PPM1E: variants seen among roughly 807,000 people sequenced by gnomAD.
PPM1E encodes the protein protein phosphatase 1E.
Under a neutral mutation model 65.9 loss-of-function variants are expected in PPM1E, and 20 were observed. The observed-to-expected ratio is 0.30, with a 90% CI of 0.21 to 0.44. PPM1E has a LOEUF of 0.44. PPM1E is among the 20% of genes least tolerant of loss of function. The probability of loss-of-function intolerance (pLI) is 1.00; values close to 1 mark genes in which losing one functional copy is unlikely to be tolerated. For missense variants in PPM1E, 713 were observed against 953.1 expected (o/e 0.75, Z 3.32); for synonymous variants, 352 against 374.9 (o/e 0.94, Z 0.70).
chr17:58,863,917 T>C (rs1293163549), intron 1 of PPM1E, among the ~76,000 whole-genome samples: 1 of 152,024 alleles, frequency 6.6e-6, no homozygotes, highest in East Asian at 1.9e-4. Flanking sequence ...GGTCTGGGGT[T>C]CTTATGGGCA....
intron 1 of PPM1E, among the ~76,000 whole-genome samples, chr17:58,761,792 GTTTAA>G (rs1047389850): frequency 6.6e-6 from 1 of 152,082 alleles, no homozygotes; most frequent in African/African-American, 2.4e-5. Flanking sequence ...TAAGTACTTG[GTTTAA>G]TTTATTATTT....
intron 1 of PPM1E, among the ~76,000 whole-genome samples, chr17:58,848,673 G>A (rs1233920893): frequency 6.6e-6 from 1 of 152,138 alleles, no homozygotes; most frequent in African/African-American, 2.4e-5. Flanking sequence ...GATTCGGTTT[G>A]CCAGTATTTT....
intron 1 of PPM1E, among the ~76,000 whole-genome samples, chr17:58,845,926 C>T (rs777956151): frequency 4.6e-5 from 7 of 152,154 alleles, no homozygotes; most frequent in Non-Finnish European, 7.3e-5. Context: ...GGTGATCTGC[C>T]GAACTCGGCC....
In PPM1E at chr17:58,944,011, C is replaced by T. The variant is rs2052109619; in HGVS notation, c.465-11638C>T. Reference sequence around the variant, plus strand: ...TACCTGCATCTGTACTGATTTTCTTCTTTTTCCAACTAAGGAAATGTGCCT... The same window carrying T: ...TACCTGCATCTGTACTGATTTTCTTTTTTTTCCAACTAAGGAAATGTGCCT... On this transcript the variant is annotated intron_variant, in intron 1 of 6. Coordinates refer to ENST00000308249, the MANE Select transcript of PPM1E (RefSeq NM_014906.5). Among the ~76,000 whole-genome samples, 3 of 152,204 alleles carry T rather than the reference C, an allele frequency of 2.0e-5. 1 individual carries two copies. The South Asian group carries it at 6.2e-4, about 32-fold the overall frequency.
intron 1 of PPM1E, among the ~76,000 whole-genome samples, chr17:58,773,585 T>G (rs1379001815): frequency 6.6e-6 from 1 of 152,184 alleles, no homozygotes; most frequent in African/African-American, 2.4e-5. Flanking sequence ...TATGCATTTC[T>G]TATCTCTTTT....
chr17:58,919,250 C>G (rs749480700), intron 1 of PPM1E, among the ~76,000 whole-genome samples: 1 of 152,006 alleles, frequency 6.6e-6, no homozygotes, highest in Non-Finnish European at 1.5e-5. Flanking sequence ...GAAACATGTA[C>G]TAAACCTGGT....
Position 58,969,691 on chromosome 17 carries a change from C to A in PPM1E, c.936C>A (p.Val312=). 6.2e-7 allele frequency: 1 copy of A among 1,614,148 alleles called. No individual in the cohort carries two copies. Among genetic ancestry groups the A allele is most frequent in the South Asian group, 1.1e-5 (1 of 91,068 alleles). ...PAEALCRAFR[V]TDERFVQKAA... Reference sequence around the variant, plus strand: ...AGGCCCTGTGCAGGGCCTTCCGGGTCACTGATGAGCGGTTTGTGCAGAAAG... The same window carrying A: ...AGGCCCTGTGCAGGGCCTTCCGGGTAACTGATGAGCGGTTTGTGCAGAAAG... The change falls in exon 4 of 7, where the codon GTC becomes GTA. Residue 312 remains valine, a synonymous_variant. Coordinates refer to ENST00000308249, the MANE Select transcript of PPM1E (RefSeq NM_014906.5).
intron 1 of PPM1E, among the ~76,000 whole-genome samples, chr17:58,788,736 AG>A (rs1187280127): frequency 1.3e-5 from 2 of 152,224 alleles, no homozygotes; most frequent in African/African-American, 4.8e-5. Context: ...TTAAAGACTA[AG>A]ACTTTAAGTC....
At chr17:58,945,208 G>A (rs2052132320) in intron 1 of PPM1E, among the ~76,000 whole-genome samples, 1 of 149,974 alleles carries the variant, frequency 6.7e-6, no homozygotes, top group Admixed American at 6.7e-5. Context: ...GCAGTGGCAT[G>A]ATCTCTGCTT....
intron 2 of PPM1E, among the ~76,000 whole-genome samples, chr17:58,965,067 T>C (rs1377078283): frequency 2.0e-5 from 3 of 148,504 alleles, no homozygotes; most frequent in Non-Finnish European, 4.5e-5. Flanking sequence ...AAAAAAAGTA[T>C]ATATATACAC....
At chr17:58,791,092 A>G (rs1327287546) in intron 1 of PPM1E, among the ~76,000 whole-genome samples, 2 of 151,874 alleles carry the variant, frequency 1.3e-5, no homozygotes, top group African/African-American at 4.8e-5. Context: ...GGGTTTCACC[A>G]TGTTGGCCAG....
intron 1 of PPM1E, among the ~76,000 whole-genome samples, chr17:58,803,219 A>G (rs1471803811): frequency 6.6e-6 from 1 of 152,192 alleles, no homozygotes; most frequent in Non-Finnish European, 1.5e-5. Context: ...GGCTTGTCAT[A>G]TATGGCCTGT....
chr17:58,881,215 T>C (rs2051190875), intron 1 of PPM1E, among the ~76,000 whole-genome samples: 1 of 152,162 alleles, frequency 6.6e-6, no homozygotes, highest in Non-Finnish European at 1.5e-5. Flanking sequence ...AACACTGCCA[T>C]TGCAAAAACT....
chr17:58,766,612 C>T (rs2049882365), intron 1 of PPM1E, among the ~76,000 whole-genome samples: 1 of 151,612 alleles, frequency 6.6e-6, no homozygotes, highest in Non-Finnish European at 1.5e-5. Flanking sequence ...TGTATACACA[C>T]ACACACACAC....
At chr17:58,939,750 A>G (rs2052038506) in intron 1 of PPM1E, among the ~76,000 whole-genome samples, 1 of 152,204 alleles carries the variant, frequency 6.6e-6, no homozygotes, top group Admixed American at 6.5e-5. Context: ...AATATATAAA[A>G]TTAGTACTTT....
At chr17:58,943,205 A>C (rs1266120116) in intron 1 of PPM1E, among the ~76,000 whole-genome samples, 2 of 152,138 alleles carry the variant, frequency 1.3e-5, no homozygotes, top group African/African-American at 2.4e-5. Context: ...TCAAAAAATA[A>C]AAATTCCAAA....
At chr17:58,799,959 G>C in intron 1 of PPM1E, among the ~76,000 whole-genome samples, 1 of 152,140 alleles carries the variant, frequency 6.6e-6, no homozygotes, top group East Asian at 1.9e-4. Context: ...TAGATCTTTT[G>C]CATTTCCATA....
Position 58,861,974 on chromosome 17 carries a change from A to G in PPM1E, c.465-93675A>G, listed in dbSNP as rs531439548. Among the ~76,000 whole-genome samples, 3 of 152,322 alleles carry G rather than the reference A, an allele frequency of 2.0e-5. No homozygotes were observed. In the South Asian group the frequency reaches 6.2e-4, roughly 32 times the overall value. On this transcript the variant is annotated intron_variant, in intron 1 of 6. Coordinates refer to ENST00000308249, the MANE Select transcript of PPM1E (RefSeq NM_014906.5). ...AAAAGCTGCTGTTTCCAATAGACAA[A>G]GACTCCTGGTTGAAGTCCTTGGTCC... is the stretch of plus-strand genomic sequence containing the variant.
chr17:58,789,824 G>A (rs2050139365), intron 1 of PPM1E, among the ~76,000 whole-genome samples: 2 of 151,840 alleles, frequency 1.3e-5, no homozygotes, highest in African/African-American at 4.8e-5. Flanking sequence ...TGTTGCCTGT[G>A]TCAGACATTC....
Sources: gnomAD v4.1 joint callset for allele counts (sites outside exome capture counted in the v4.1 genomes callset) on GRCh38, gnomAD v4.1.1 for gene constraint, MANE v1.5 for transcripts, NCBI Gene and HGNC (gene_info 2026-07-23, HGNC 2026-07-21) for gene names.